The following LRMDA variants were observed in gnomAD, a reference collection of about 807,000 sequenced individuals.
LRMDA encodes the protein leucine-rich melanocyte differentiation-associated protein.
Under a neutral mutation model 29.8 loss-of-function variants are expected in LRMDA, and 18 were observed. The ratio of observed to expected loss-of-function variants is 0.60; its 90% CI spans 0.42 to 0.90. The LOEUF (loss-of-function observed/expected upper bound fraction) is 0.90. LRMDA is among the 40% of genes least tolerant of loss of function. The pLI is 0.00. For missense variants in LRMDA, 273 were observed against 273.9 expected (o/e 1.00, Z 0.02); for synonymous variants, 125 against 109.4 (o/e 1.14, Z -0.89).
At chr10:76,380,737 G>A (rs1221509930) in intron 6 of LRMDA, among the ~76,000 whole-genome samples, 1 of 147,240 alleles carries the variant, frequency 6.8e-6, no homozygotes, top group Non-Finnish European at 1.5e-5. Flanking sequence ...ATCCAATAAA[G>A]TGCTTAAAAA....
At chr10:75,589,765 A>AAAATATAT (rs71024554) in intron 2 of LRMDA, among the ~76,000 whole-genome samples, 13 of 144,884 alleles carry the variant, frequency 9.0e-5, no homozygotes, top group South Asian at 6.7e-4. Flanking sequence ...GTCTAAAAAA[A>AAAATATAT]ATATATATAT....
intron 2 of LRMDA, among the ~76,000 whole-genome samples, chr10:75,473,218 C>T (rs899827537): frequency 6.6e-6 from 1 of 152,188 alleles, no homozygotes; most frequent in Non-Finnish European, 1.5e-5. Context: ...GGGGCCCAAT[C>T]AAAGGTGTAT....
intron 1 of LRMDA, among the ~76,000 whole-genome samples, chr10:75,436,064 AAAAAAAAAAAG>A (rs1325987421): frequency 7.0e-6 from 1 of 142,100 alleles, no homozygotes; most frequent in Non-Finnish European, 1.6e-5. Context: ...TTTAAAAAAA[AAAAAAAAAAAG>A]AGAGAGAGAA....
intron 5 of LRMDA, among the ~76,000 whole-genome samples, chr10:76,189,798 T>C (rs1489597191): frequency 6.6e-6 from 1 of 152,214 alleles, no homozygotes; most frequent in Admixed American, 6.5e-5. Flanking sequence ...TGCTCTCAGA[T>C]AATCCAAAAC....
chr10:75,507,086 T>C (rs1204393172), intron 2 of LRMDA, among the ~76,000 whole-genome samples: 2 of 151,344 alleles, frequency 1.3e-5, no homozygotes, highest in Non-Finnish European at 2.9e-5. Flanking sequence ...TGCTCAGCAG[T>C]GTACAAGCCT....
intron 2 of LRMDA, among the ~76,000 whole-genome samples, chr10:75,579,031 C>CA (rs1330308282): frequency 6.6e-6 from 1 of 152,042 alleles, no homozygotes; most frequent in Non-Finnish European, 1.5e-5. Flanking sequence ...CAAACAAATT[C>CA]AAAATCTAGC....
chr10:75,764,150 T>C (rs913720261), intron 2 of LRMDA, among the ~76,000 whole-genome samples: 2 of 152,140 alleles, frequency 1.3e-5, no homozygotes, highest in East Asian at 1.9e-4. Flanking sequence ...TAGCTCTCTC[T>C]TTCTCCTTCC....
At chr10:76,064,521 G>A (rs1372545380) in intron 5 of LRMDA, among the ~76,000 whole-genome samples, 1 of 152,188 alleles carries the variant, frequency 6.6e-6, no homozygotes, top group East Asian at 1.9e-4. Flanking sequence ...ACCTAAAGGA[G>A]CACTACCTAG....
chr10:76,400,747 A>AT (rs5786232), intron 6 of LRMDA, among the ~76,000 whole-genome samples: 125,437 of 152,106 alleles, frequency 0.82, 53,067 homozygotes, highest in Middle Eastern at 0.89. Context: ...AGCTTTTTTG[A>AT]TCTCTGAAGC....
At chr10:75,881,953 G>A (rs1478255628) in intron 2 of LRMDA, among the ~76,000 whole-genome samples, 4 of 152,264 alleles carry the variant, frequency 2.6e-5, no homozygotes, top group Non-Finnish European at 5.9e-5. Flanking sequence ...ATATGGTGTT[G>A]TGGTGGGACC....
At chr10:76,211,967 T>C (rs1453967194) in intron 5 of LRMDA, among the ~76,000 whole-genome samples, 1 of 152,184 alleles carries the variant, frequency 6.6e-6, no homozygotes, top group Non-Finnish European at 1.5e-5. Flanking sequence ...TGCTGTCTCA[T>C]CACTCCTTAA....
At chr10:75,608,570 C>G (rs1306260061) in intron 2 of LRMDA, among the ~76,000 whole-genome samples, 1 of 152,034 alleles carries the variant, frequency 6.6e-6, no homozygotes, top group African/African-American at 2.4e-5. Flanking sequence ...CACTAATGTA[C>G]ATGTATATTA....
chr10:75,562,926 A>T (rs1296369215), intron 2 of LRMDA, among the ~76,000 whole-genome samples: 1 of 152,056 alleles, frequency 6.6e-6, no homozygotes, highest in Non-Finnish European at 1.5e-5. Flanking sequence ...CTTCCCTTTG[A>T]GGGTAACCCG....
chr10:76,199,699 A>C (rs998854116), intron 5 of LRMDA, among the ~76,000 whole-genome samples: 1 of 152,210 alleles, frequency 6.6e-6, no homozygotes, highest in African/African-American at 2.4e-5. Flanking sequence ...GGACAATAAT[A>C]AAATTGAAAT....
chr10:75,955,019 A>G (rs1846641093), intron 2 of LRMDA, among the ~76,000 whole-genome samples: 2 of 152,242 alleles, frequency 1.3e-5, no homozygotes, highest in African/African-American at 4.8e-5. Flanking sequence ...ATTGGAAAGC[A>G]TTGTGTGGCA....
At chr10:76,409,259 A>G (rs1841933663) in intron 6 of LRMDA, among the ~76,000 whole-genome samples, 1 of 152,076 alleles carries the variant, frequency 6.6e-6, no homozygotes, top group Non-Finnish European at 1.5e-5. Flanking sequence ...CAATGAGAAT[A>G]TTTTATTTTG....
chr10:75,864,867 T>G (rs1844994607), intron 2 of LRMDA, among the ~76,000 whole-genome samples: 1 of 152,240 alleles, frequency 6.6e-6, no homozygotes, highest in South Asian at 2.1e-4. Flanking sequence ...TTATGAATTA[T>G]GTACAGCTTG....
intron 2 of LRMDA, among the ~76,000 whole-genome samples, chr10:75,631,537 G>A (rs983851881): frequency 2.0e-5 from 3 of 152,062 alleles, no homozygotes; most frequent in African/African-American, 2.4e-5. Flanking sequence ...ATACCCTCAC[G>A]TCCTTTGTGT....
intron 5 of LRMDA, among the ~76,000 whole-genome samples, chr10:76,309,947 C>T (rs1840608847): frequency 6.6e-6 from 1 of 152,168 alleles, no homozygotes; most frequent in Admixed American, 6.5e-5. Context: ...ATCACGCTTC[C>T]TAATGCGATT....
Sources: gnomAD v4.1 joint callset for allele counts (sites outside exome capture counted in the v4.1 genomes callset) on GRCh38, gnomAD v4.1.1 for gene constraint, MANE v1.5 for transcripts, NCBI Gene and HGNC (gene_info 2026-07-23, HGNC 2026-07-21) for gene names.